CFAP299: variants seen among roughly 807,000 people sequenced by gnomAD.
CFAP299 encodes cilia- and flagella-associated protein 299.
A neutral mutation model predicts 27.0 loss-of-function variants in CFAP299; 21 were observed. The ratio of observed to expected loss-of-function variants is 0.78; its 90% confidence interval spans 0.55 to 1.12. The LOEUF (loss-of-function observed/expected upper bound fraction) is 1.12. Ranked by LOEUF, CFAP299 falls within the 50% of genes most tolerant of loss-of-function variation. The pLI is 0.00. For missense variants in CFAP299, 310 were observed against 276.6 expected, an observed-to-expected ratio of 1.12 and a Z score of -0.86; for synonymous variants, 104 against 98.1, an observed-to-expected ratio of 1.06 and a Z score of -0.36.
At chr4:80,722,349 G>A (rs934378586) in intron 3 of CFAP299, among the ~76,000 whole-genome samples, 1 of 151,378 alleles carries the variant, frequency 6.6e-6, no homozygotes, top group African/African-American at 2.4e-5. Context: ...CCCAGGAGGC[G>A]GAGGTTGCAG....
chr4:80,721,504 T>C (rs960699830), intron 3 of CFAP299, among the ~76,000 whole-genome samples: 3 of 152,158 alleles, frequency 2.0e-5, no homozygotes, highest in African/African-American at 7.2e-5. Context: ...GCACCAGTTA[T>C]GTTAGATCAG....
At chr4:80,832,731 T>G (rs1413909938) in intron 3 of CFAP299, among the ~76,000 whole-genome samples, 2 of 152,106 alleles carry the variant, frequency 1.3e-5, no homozygotes, top group Non-Finnish European at 2.9e-5. Flanking sequence ...ACTTAGGAAA[T>G]GGGTTTTCTA....
intron 2 of CFAP299, among the ~76,000 whole-genome samples, chr4:80,431,999 AC>A (rs752099282): frequency 5.3e-5 from 8 of 152,228 alleles, no homozygotes; most frequent in Non-Finnish European, 1.2e-4. Flanking sequence ...TTTCTGAATA[AC>A]AAGGCCCACT....
intron 2 of CFAP299, among the ~76,000 whole-genome samples, chr4:80,454,549 T>C (rs901271506): frequency 3.9e-5 from 6 of 152,200 alleles, no homozygotes; most frequent in African/African-American, 1.4e-4. Context: ...GCCCATATAA[T>C]TAGGTTCTCA....
At chr4:80,628,700 C>T (rs190757504) in intron 3 of CFAP299, among the ~76,000 whole-genome samples, 3 of 152,110 alleles carry the variant, frequency 2.0e-5, no homozygotes, top group Non-Finnish European at 4.4e-5. Flanking sequence ...TTAAGGCATA[C>T]AAATGGTTAA....
chr4:80,360,373 G>C (rs1723482666), intron 1 of CFAP299, among the ~76,000 whole-genome samples: 1 of 152,262 alleles, frequency 6.6e-6, no homozygotes, highest in Admixed American at 6.5e-5. Context: ...TATGCTGGTG[G>C]GTACACGTCT....
chr4:80,680,418 C>G (rs965848546), intron 3 of CFAP299, among the ~76,000 whole-genome samples: 2 of 152,018 alleles, frequency 1.3e-5, no homozygotes, highest in Non-Finnish European at 2.9e-5. Context: ...ATATTTTTAT[C>G]TGGATATTTC....
intron 2 of CFAP299, among the ~76,000 whole-genome samples, chr4:80,455,751 T>C (rs1251969322): frequency 3.9e-5 from 6 of 152,226 alleles, no homozygotes; most frequent in Admixed American, 3.9e-4. Context: ...ATAAGAATTT[T>C]GGCAGTCACC....
chr4:80,748,403 A>G (rs987405662), intron 3 of CFAP299, among the ~76,000 whole-genome samples: 3 of 152,086 alleles, frequency 2.0e-5, no homozygotes, highest in Non-Finnish European at 4.4e-5. Flanking sequence ...AAAATTCATA[A>G]TCTCCTAAAG....
At chr4:80,620,248 G>A (rs979558482) in intron 3 of CFAP299, among the ~76,000 whole-genome samples, 1 of 152,194 alleles carries the variant, frequency 6.6e-6, no homozygotes, top group South Asian at 2.1e-4. Flanking sequence ...GGGTTTCAGG[G>A]TTGCATGTAT....
At chr4:80,454,305 G>T (rs1173968494) in intron 2 of CFAP299, among the ~76,000 whole-genome samples, 1 of 152,264 alleles carries the variant, frequency 6.6e-6, no homozygotes, top group Non-Finnish European at 1.5e-5. Flanking sequence ...ATAGACAGAG[G>T]TCGCAACAAT....
chr4:80,435,656 C>T (rs1382018348), intron 2 of CFAP299, among the ~76,000 whole-genome samples: 1 of 152,138 alleles, frequency 6.6e-6, no homozygotes, highest in Non-Finnish European at 1.5e-5. Flanking sequence ...AAGCACCTTG[C>T]AGAGGGTTGA....
At chr4:80,923,319 T>G (rs1560478357) in intron 4 of CFAP299, among the ~76,000 whole-genome samples, 1 of 152,072 alleles carries the variant, frequency 6.6e-6, no homozygotes, top group East Asian at 1.9e-4. Context: ...CACTACACTT[T>G]CCATTTTTCC....
chr4:80,504,288 G>T (rs546747263), intron 2 of CFAP299, among the ~76,000 whole-genome samples: 1 of 151,612 alleles, frequency 6.6e-6, no homozygotes, highest in South Asian at 2.1e-4. Context: ...GCTGAGAGGT[G>T]CTTGCTGGTG....
intron 3 of CFAP299, among the ~76,000 whole-genome samples, chr4:80,638,049 T>G (rs1301462618): frequency 6.6e-6 from 1 of 152,220 alleles, no homozygotes; most frequent in Non-Finnish European, 1.5e-5. Flanking sequence ...CAGGAAATCT[T>G]CAAGTGTTCA....
chr4:80,846,852 A>G (rs963543643), intron 3 of CFAP299, among the ~76,000 whole-genome samples: 2 of 152,154 alleles, frequency 1.3e-5, no homozygotes, highest in African/African-American at 4.8e-5. Context: ...AGCACACTGC[A>G]AAGTGCTGAG....
intron 3 of CFAP299, among the ~76,000 whole-genome samples, chr4:80,794,082 A>G (rs947251996): frequency 2.0e-5 from 3 of 151,962 alleles, no homozygotes; most frequent in African/African-American, 7.3e-5. Flanking sequence ...ATCCATGCAT[A>G]CTCTTCCTTA....
intron 2 of CFAP299, among the ~76,000 whole-genome samples, chr4:80,496,999 G>A (rs1234223514): frequency 6.6e-6 from 1 of 152,074 alleles, no homozygotes; most frequent in African/African-American, 2.4e-5. Context: ...AAAGGCTATG[G>A]TGCTAAACCA....
At chr4:80,912,114 G>T (rs1020551413) in intron 4 of CFAP299, among the ~76,000 whole-genome samples, 26 of 152,036 alleles carry the variant, frequency 1.7e-4, no homozygotes, top group African/African-American at 6.3e-4. Context: ...ACTATTTTGT[G>T]GGTCTTTCAA....
Sources: allele counts gnomAD v4.1 joint callset (sites outside exome capture counted in the v4.1 genomes callset), GRCh38; gene constraint gnomAD v4.1.1; transcripts MANE v1.5; gene names NCBI Gene and HGNC (gene_info 2026-07-23, HGNC 2026-07-21).